Variants in ROBO2 observed in about 807,000 individuals in gnomAD.
ROBO2 encodes the protein roundabout homolog 2.
In ROBO2, 53 loss-of-function variants were observed where a neutral mutation model predicts 160.8. The ratio of observed to expected loss-of-function variants is 0.33; its 90% CI spans 0.26 to 0.41. ROBO2 has a LOEUF of 0.41. ROBO2 is among the 10% of genes least tolerant of loss of function. The pLI is 1.00. For missense variants in ROBO2, 1,577 were observed against 1,722.4 expected (o/e 0.92, Z 1.49); for synonymous variants, 664 against 611.7 (o/e 1.09, Z -1.26).
intron 2 of ROBO2, among the ~76,000 whole-genome samples, chr3:76,029,064 GA>G (rs1267810357): frequency 2.0e-5 from 3 of 151,532 alleles, no homozygotes; most frequent in South Asian, 4.2e-4. Context: ...AGAAGCATCT[GA>G]AAAAAAAGAA....
intron 13 of ROBO2, 149 bp from the exon 15 acceptor site, chr3:77,574,350 T>TAGAAGCA: frequency 1.4e-6 from 1 of 695,368 alleles, no homozygotes; most frequent in South Asian, 1.7e-5. Context: ...TAGAAGTTAT[T>TAGAAGCA]AGAAGCAGAG....
intron 2 of ROBO2, among the ~76,000 whole-genome samples, chr3:76,319,333 C>T (rs1300103974): frequency 3.9e-5 from 6 of 152,110 alleles, no homozygotes; most frequent in African/African-American, 7.2e-5. Flanking sequence ...TTTTGAAATC[C>T]GTATATTAAG....
chr3:75,947,507 A>G (rs373106611), intron 2 of ROBO2, among the ~76,000 whole-genome samples: 1 of 152,180 alleles, frequency 6.6e-6, no homozygotes, highest in Non-Finnish European at 1.5e-5. Flanking sequence ...CCTCTTGGCA[A>G]CACAAAGCCT....
At chr3:77,096,469 A>T (rs1442214434) in intron 1 of ROBO2, among the ~76,000 whole-genome samples, 20 of 141,208 alleles carry the variant, frequency 1.4e-4, no homozygotes, top group Non-Finnish European at 6.1e-5. Flanking sequence ...TTTTTTTGAG[A>T]TGGAGTTTTA....
intron 2 of ROBO2, among the ~76,000 whole-genome samples, chr3:76,703,261 A>T (rs73841962): frequency 0.21 from 31,877 of 152,078 alleles, 5,846 homozygotes; most frequent in African/African-American, 0.49. Flanking sequence ...TTAAGGACTT[A>T]GGTCGCAACA....
chr3:76,209,077 T>A (rs1263130067), intron 2 of ROBO2, among the ~76,000 whole-genome samples: 1 of 152,314 alleles, frequency 6.6e-6, no homozygotes, highest in African/African-American at 2.4e-5. Context: ...CTATGCACTC[T>A]TCCAGATTAT....
chr3:77,421,424 G>A (rs1202599485), intron 2 of ROBO2, among the ~76,000 whole-genome samples: 1 of 151,926 alleles, frequency 6.6e-6, no homozygotes, highest in Non-Finnish European at 1.5e-5. Context: ...GTCAATATTG[G>A]TTAACAGAGG....
intron 21 of ROBO2, among the ~76,000 whole-genome samples, chr3:77,616,589 T>C (rs899145403): frequency 6.6e-6 from 1 of 152,128 alleles, no homozygotes; most frequent in African/African-American, 2.4e-5. Flanking sequence ...AAAGATTCAC[T>C]AGGTATTTAA....
intron 2 of ROBO2, among the ~76,000 whole-genome samples, chr3:75,966,361 C>T (rs1053691333): frequency 4.4e-4 from 67 of 151,502 alleles, no homozygotes; most frequent in African/African-American, 1.6e-3. Context: ...ACAGTAGCAA[C>T]CACAATTATG....
At chr3:76,594,133 T>C (rs978652340) in intron 2 of ROBO2, among the ~76,000 whole-genome samples, 8 of 151,982 alleles carry the variant, frequency 5.3e-5, no homozygotes, top group Non-Finnish European at 8.8e-5. Context: ...ATTACAAGTA[T>C]ACCTAAGAAC....
intron 2 of ROBO2, among the ~76,000 whole-genome samples, chr3:77,006,014 T>A (rs2061557065): frequency 6.6e-6 from 1 of 151,674 alleles, no homozygotes; most frequent in Non-Finnish European, 1.5e-5. Context: ...CAAGTTAGTC[T>A]TATTTGAGCT....
At chr3:77,328,077 A>AAAG (rs1560545319) in intron 2 of ROBO2, among the ~76,000 whole-genome samples, 1 of 145,880 alleles carries the variant, frequency 6.9e-6, no homozygotes, top group African/African-American at 2.5e-5. Context: ...AAAAAAAAAA[A>AAAG]AAAGAAAAGA....
At chr3:76,691,388 G>C (rs1051019805) in intron 2 of ROBO2, among the ~76,000 whole-genome samples, 7 of 151,998 alleles carry the variant, frequency 4.6e-5, no homozygotes, top group Admixed American at 1.3e-4. Context: ...TCTTGAGTAA[G>C]ACAGTGTGAG....
chr3:77,200,122 C>T (rs2082692576), intron 2 of ROBO2, among the ~76,000 whole-genome samples: 1 of 150,366 alleles, frequency 6.7e-6, no homozygotes, highest in Non-Finnish European at 1.5e-5. Flanking sequence ...ACACACAAAG[C>T]TATCTACTAT....
rs575341526 is a variant in ROBO2, at chr3:77,276,852, A to G, written c.388+178512A>G. ...AATGAGGAGCAAAGTCACATATTACATGGTGGCAGGCAAGAGATCTTGTGC... is the reference window on the plus strand; with the variant it reads ...AATGAGGAGCAAAGTCACATATTACGTGGTGGCAGGCAAGAGATCTTGTGC... On this transcript the variant is annotated intron_variant, in intron 2 of 25. Coordinates refer to ENST00000461745, the Ensembl canonical transcript of ROBO2. Among the ~76,000 whole-genome samples, 7 of 152,312 alleles carry G rather than the reference A, an allele frequency of 4.6e-5. No homozygotes were observed. The South Asian group carries it at 8.3e-4, about 18-fold the overall frequency.
At chr3:76,501,047 C>A (rs1178386346) in intron 2 of ROBO2, among the ~76,000 whole-genome samples, 1 of 152,032 alleles carries the variant, frequency 6.6e-6, no homozygotes, top group Admixed American at 6.6e-5. Flanking sequence ...TGCAAAATAT[C>A]AGAAAAGCTG....
intron 2 of ROBO2, among the ~76,000 whole-genome samples, chr3:76,907,823 G>GGTGT (rs71104638): frequency 0.1 from 15,230 of 145,394 alleles, 1,386 homozygotes; most frequent in African/African-American, 0.25. Context: ...GTTTGTTTGG[G>GGTGT]GTGTGTGTGT....
At chr3:77,280,869 A>G (rs1057066288) in intron 2 of ROBO2, among the ~76,000 whole-genome samples, 1 of 152,236 alleles carries the variant, frequency 6.6e-6, no homozygotes, top group Non-Finnish European at 1.5e-5. Flanking sequence ...ACACAAAACC[A>G]ATCAAAATCG....
intron 2 of ROBO2, among the ~76,000 whole-genome samples, chr3:76,798,496 C>G (rs1218938052): frequency 1.3e-5 from 2 of 152,160 alleles, no homozygotes; most frequent in African/African-American, 4.8e-5. Context: ...TGTGATACAT[C>G]ATTTGAACTG....
Sources: allele counts gnomAD v4.1 joint callset (sites outside exome capture counted in the v4.1 genomes callset), GRCh38; gene constraint gnomAD v4.1.1; transcripts MANE v1.5; gene names NCBI Gene and HGNC (gene_info 2026-07-23, HGNC 2026-07-21).